The following ARHGAP6 variants were observed in gnomAD, a reference collection of about 807,000 sequenced individuals.
ARHGAP6 encodes the protein Rho GTPase activating protein 6.
ARHGAP6 carries 16 observed loss-of-function variants against 55.7 expected under a neutral mutation model. That is an observed-to-expected ratio of 0.29 (90% CI 0.19 to 0.44). The LOEUF (loss-of-function observed/expected upper bound fraction) is 0.44, where lower values mean the gene tolerates loss of function less well. ARHGAP6 is among the 20% of genes least tolerant of loss of function. ARHGAP6 has a pLI of 1.00. For missense variants in ARHGAP6, 698 were observed against 808.9 expected (o/e 0.86, Z 1.66); for synonymous variants, 382 against 360.9 (o/e 1.06, Z -0.66).
intron 2 of ARHGAP6, among the ~76,000 whole-genome samples, chrX:11,211,418 G>C (rs1330709261): frequency 9.2e-6 from 1 of 109,258 alleles, no homozygotes; most frequent in Non-Finnish European, 1.9e-5. Flanking sequence ...TTTTAGTAGA[G>C]ACGGGGTTTC....
At chrX:11,579,175 C>T (rs1286190687) in intron 1 of ARHGAP6, among the ~76,000 whole-genome samples, 1 of 111,278 alleles carries the variant, frequency 9.0e-6, no homozygotes, top group African/African-American at 3.3e-5. Flanking sequence ...TACCCTAGAA[C>T]TAAAAGTATA....
At chrX:11,323,210 C>A (rs977503043) in intron 1 of ARHGAP6, among the ~76,000 whole-genome samples, 2 of 112,065 alleles carry the variant, frequency 1.8e-5, no homozygotes, top group South Asian at 3.7e-4. Context: ...TAGTCAAACA[C>A]GCTAGTAAAA....
Position 11,582,035 on chromosome X carries a change from T to C in ARHGAP6, c.588+82206A>G, listed in dbSNP as rs183474827. Among the ~76,000 whole-genome samples, 394 of 112,196 alleles carry C rather than the reference T, an allele frequency of 3.5e-3. 1 individual carries two copies. Among genetic ancestry groups the C allele is most frequent in the Middle Eastern group, 0.014 (3 of 217 alleles). ...TTTGTACTAAATGACACATTACTTA[T>C]TGAGCACTTCGTATGTGCAGGGTCC... is the stretch of plus-strand genomic sequence containing the variant. On this transcript the variant is annotated intron_variant, in intron 1 of 12. Transcript: ENST00000337414.
intron 1 of ARHGAP6, among the ~76,000 whole-genome samples, chrX:11,358,614 G>T (rs1305798126): frequency 9.1e-6 from 1 of 109,424 alleles, no homozygotes. Context: ...CGAGTAGCTG[G>T]GATTACAGGC....
intron 1 of ARHGAP6, among the ~76,000 whole-genome samples, chrX:11,387,318 T>G (rs1046002906): frequency 2.7e-5 from 3 of 111,426 alleles, no homozygotes; most frequent in African/African-American, 9.8e-5. Flanking sequence ...GGTATGAAGT[T>G]TCTAAAGCTC....
chrX:11,497,257 A>G, intron 1 of ARHGAP6, among the ~76,000 whole-genome samples: 1 of 112,340 alleles, frequency 8.9e-6, no homozygotes, highest in South Asian at 3.7e-4. Context: ...TGGATTATAT[A>G]GATAAGATTT....
intron 1 of ARHGAP6, among the ~76,000 whole-genome samples, chrX:11,333,885 G>A (rs1435849914): frequency 8.9e-6 from 1 of 111,870 alleles, no homozygotes; most frequent in Non-Finnish European, 1.9e-5. Context: ...AGATGCTTCA[G>A]TTAAAGCTTC....
chrX:11,177,680 A>G (rs1385811072), intron 8 of ARHGAP6, among the ~76,000 whole-genome samples: 1 of 111,922 alleles, frequency 8.9e-6, no homozygotes, highest in Admixed American at 9.5e-5. Context: ...AACTGGAAGA[A>G]TAAAGAGGTG....
chrX:11,616,960 C>A (rs1048519061), intron 1 of ARHGAP6, among the ~76,000 whole-genome samples: 4 of 111,824 alleles, frequency 3.6e-5, no homozygotes, highest in African/African-American at 1.3e-4. Context: ...ATATCACATT[C>A]TTTTGAGTAG....
chrX:11,508,563 A>G (rs918110450), intron 1 of ARHGAP6, among the ~76,000 whole-genome samples: 1 of 110,243 alleles, frequency 9.1e-6, no homozygotes, highest in African/African-American at 3.3e-5. Flanking sequence ...GCTGCATACC[A>G]GTCAACTTGG....
In ARHGAP6 at chrX:11,304,209, C is replaced by T. The variant is rs778251903; in HGVS notation, c.589-49502G>A. On this transcript the variant is annotated intron_variant, in intron 1 of 12. Transcript: ENST00000337414. ...GGTTCAAGTGATCCTCCAGCCTCAG[C>T]CTCCCAAGTAGAGGGGATTACAAGA... Among the ~76,000 whole-genome samples, 3 of 110,381 alleles carry T rather than the reference C, an allele frequency of 2.7e-5. No individual in the cohort carries two copies. The South Asian group carries it at 1.2e-3, about 44-fold the overall frequency.
At chrX:11,259,949 T>C (rs1288011111) in intron 1 of ARHGAP6, among the ~76,000 whole-genome samples, 2 of 111,734 alleles carry the variant, frequency 1.8e-5, no homozygotes, top group Non-Finnish European at 3.8e-5. Context: ...AAAAGGGACT[T>C]TGCAGATGCT....
chrX:11,249,413 A>C (rs892247083), intron 2 of ARHGAP6, among the ~76,000 whole-genome samples: 1 of 111,639 alleles, frequency 9.0e-6, no homozygotes, highest in African/African-American at 3.3e-5. Context: ...TTCCTAAAAA[A>C]CCATGGAAAT....
chrX:11,353,549 AGTGTGTGTGTGTGTGTGTGTGTGT>A (rs200177159), intron 1 of ARHGAP6, among the ~76,000 whole-genome samples: 17 of 82,471 alleles, frequency 2.1e-4, no homozygotes, highest in South Asian at 6.7e-4. Context: ...TATTGCTTAT[AGTGTGTGTGTGTGTGTGTGTGTGT>A]GTGTGTGTGT....
intron 1 of ARHGAP6, among the ~76,000 whole-genome samples, chrX:11,603,144 C>A (rs921480085): frequency 1.8e-5 from 2 of 111,592 alleles, no homozygotes; most frequent in Non-Finnish European, 3.8e-5. Flanking sequence ...GAAAGTAGCA[C>A]TAAGGTTGCT....
chrX:11,554,177 T>C (rs749334985), intron 1 of ARHGAP6, among the ~76,000 whole-genome samples: 12 of 111,543 alleles, frequency 1.1e-4, no homozygotes, highest in Non-Finnish European at 1.9e-5. Flanking sequence ...TAGTGTTAAG[T>C]GAAATATGCC....
chrX:11,381,917 A>G (rs12008240), intron 1 of ARHGAP6, among the ~76,000 whole-genome samples: 18,441 of 111,538 alleles, frequency 0.17, 2,000 homozygotes, highest in African/African-American at 0.4. Flanking sequence ...GGGTCTTCTT[A>G]CTTTCTTTAC....
At chrX:11,571,198 T>C (rs2051511374) in intron 1 of ARHGAP6, among the ~76,000 whole-genome samples, 1 of 111,980 alleles carries the variant, frequency 8.9e-6, no homozygotes, top group Non-Finnish European at 1.9e-5. Flanking sequence ...AAGACATTCC[T>C]CTAGGTTAAG....
chrX:11,525,323 C>T (rs1317669332), intron 1 of ARHGAP6, among the ~76,000 whole-genome samples: 1 of 112,106 alleles, frequency 8.9e-6, no homozygotes, highest in Non-Finnish European at 1.9e-5. Context: ...ATTCACAATA[C>T]TGCATGCATG....
Sources: allele counts gnomAD v4.1 joint callset (sites outside exome capture counted in the v4.1 genomes callset), GRCh38; gene constraint gnomAD v4.1.1; transcripts MANE v1.5; gene names NCBI Gene and HGNC (gene_info 2026-07-23, HGNC 2026-07-21).